Variants in LRP1B observed in about 807,000 individuals in gnomAD.
The protein encoded by LRP1B is LDL receptor related protein 1B, also known as low-density lipoprotein receptor-related protein 1B.
LRP1B carries 217 observed loss-of-function variants against 556.6 expected under a neutral mutation model. The observed-to-expected ratio is 0.39, with a 90% CI of 0.35 to 0.44. The LOEUF is 0.44. LRP1B is among the 20% of genes least tolerant of loss of function. The probability of loss-of-function intolerance (pLI) is 1.00; values close to 1 mark genes in which losing one functional copy is unlikely to be tolerated. For missense variants in LRP1B, 5,053 were observed against 5,620.8 expected, an observed-to-expected ratio of 0.90 and a Z score of 3.23; for synonymous variants, 2,047 against 1,865.8, an observed-to-expected ratio of 1.10 and a Z score of -2.50.
intron 41 of LRP1B, among the ~76,000 whole-genome samples, chr2:140,606,541 C>T (rs1412885694): frequency 6.6e-6 from 1 of 151,680 alleles, no homozygotes; most frequent in African/African-American, 2.4e-5. Flanking sequence ...TACAAGGGAC[C>T]CAGAAAAGCC....
intron 18 of LRP1B, among the ~76,000 whole-genome samples, chr2:140,967,973 G>A (rs1450294947): frequency 8.7e-6 from 1 of 114,894 alleles, no homozygotes; most frequent in African/African-American, 3.2e-5. Flanking sequence ...TTGCATCAAT[G>A]TTCATCAAGG....
At chr2:140,516,023 C>G (rs752258168) in intron 50 of LRP1B, among the ~76,000 whole-genome samples, 1 of 151,714 alleles carries the variant, frequency 6.6e-6, no homozygotes, top group African/African-American at 2.4e-5. Context: ...AGAAACAAAA[C>G]GTAAAAATGC....
intron 35 of LRP1B, among the ~76,000 whole-genome samples, chr2:140,758,007 A>G (rs949950645): frequency 6.6e-6 from 1 of 152,218 alleles, no homozygotes; most frequent in Non-Finnish European, 1.5e-5. Flanking sequence ...TATATTAATG[A>G]TGGCTGCACA....
At chr2:140,965,949 C>T (rs1270856735) in intron 18 of LRP1B, among the ~76,000 whole-genome samples, 1 of 152,082 alleles carries the variant, frequency 6.6e-6, no homozygotes, top group Non-Finnish European at 1.5e-5. Flanking sequence ...TTAATCCAGT[C>T]TATCACTGAT....
At chr2:141,599,391 C>A (rs1317225430) in intron 2 of LRP1B, among the ~76,000 whole-genome samples, 1 of 151,870 alleles carries the variant, frequency 6.6e-6, no homozygotes, top group African/African-American at 2.4e-5. Context: ...ATCTTGATAA[C>A]GCAGATTTTA....
chr2:140,688,484 T>A (rs1686127320), intron 41 of LRP1B, among the ~76,000 whole-genome samples: 1 of 152,124 alleles, frequency 6.6e-6, no homozygotes, highest in Non-Finnish European at 1.5e-5. Flanking sequence ...GAAAATGAGT[T>A]TTACAAAGTG....
At chr2:140,764,365 C>T (rs1220489714) in intron 35 of LRP1B, among the ~76,000 whole-genome samples, 1 of 152,020 alleles carries the variant, frequency 6.6e-6, no homozygotes, top group Non-Finnish European at 1.5e-5. Flanking sequence ...TACAAATGCA[C>T]GACGGCACAG....
At chr2:141,464,606 A>ATATATTTTTTTTTT in intron 3 of LRP1B, among the ~76,000 whole-genome samples, 15 of 90,494 alleles carry the variant, frequency 1.7e-4, no homozygotes, top group Middle Eastern at 5.5e-3. Context: ...ATATATATAT[A>ATATATTTTTTTTTT]TTTTTTTAGT....
At chr2:140,373,325 GAA>G (rs1558837122) in intron 68 of LRP1B, among the ~76,000 whole-genome samples, 188 bp from the exon 69 acceptor site, 2 of 152,002 alleles carry the variant, frequency 1.3e-5, no homozygotes, top group African/African-American at 4.8e-5. Flanking sequence ...TTTACAAACC[GAA>G]AGACTAGACA....
chr2:141,644,951 A>G (rs1689497469), intron 2 of LRP1B, among the ~76,000 whole-genome samples: 2 of 152,164 alleles, frequency 1.3e-5, no homozygotes, highest in Non-Finnish European at 2.9e-5. Context: ...AAGGAAAGAA[A>G]ACTAATTTTA....
intron 2 of LRP1B, among the ~76,000 whole-genome samples, chr2:141,584,480 T>G (rs915261868): frequency 2.0e-5 from 3 of 152,228 alleles, no homozygotes; most frequent in Non-Finnish European, 4.4e-5. Flanking sequence ...TATTCCTATT[T>G]TAGCCACAAG....
intron 56 of LRP1B, 84 bp from the exon 57 acceptor site, chr2:140,492,777 A>G (rs1404133934): frequency 2.1e-6 from 2 of 965,476 alleles, no homozygotes; most frequent in East Asian, 2.4e-5. Flanking sequence ...TTTAGCAGCA[A>G]TGTGATTTCA....
intron 43 of LRP1B, among the ~76,000 whole-genome samples, chr2:140,560,225 A>T (rs1426213118): frequency 6.6e-6 from 1 of 152,194 alleles, no homozygotes; most frequent in Non-Finnish European, 1.5e-5. Flanking sequence ...AAAGCAAGAG[A>T]AAGCAAGACT....
intron 83 of LRP1B, among the ~76,000 whole-genome samples, chr2:140,298,577 T>A (rs1484257473): frequency 6.6e-6 from 1 of 152,202 alleles, no homozygotes; most frequent in Non-Finnish European, 1.5e-5. Context: ...ATATTGTTAT[T>A]CACAAGAGTG....
chr2:141,682,906 G>A lies in LRP1B; in HGVS notation c.205+127373C>T, dbSNP rs79772242. ...TTACCATGCTCCTCTGTTATATTTT[G>A]CAAATAGATTCAGTGTTTGGTGCAT... On this transcript the variant is annotated intron_variant, in intron 2 of 90. Coordinates refer to ENST00000389484, the MANE Select transcript of LRP1B (RefSeq NM_018557.3). Among the ~76,000 whole-genome samples, 320 of 152,172 alleles carry A rather than the reference G, an allele frequency of 2.1e-3. 3 individuals carry two copies. Among genetic ancestry groups the A allele is most frequent in the Admixed American group, 0.017 (261 of 15,280 alleles).
chr2:141,766,468 G>C (rs1020895004), intron 2 of LRP1B, among the ~76,000 whole-genome samples: 1 of 152,162 alleles, frequency 6.6e-6, no homozygotes, highest in Non-Finnish European at 1.5e-5. Context: ...ATTTGAAGTG[G>C]TTAGCTTAGA....
intron 7 of LRP1B, among the ~76,000 whole-genome samples, chr2:141,077,109 G>A (rs570671260): frequency 3.3e-5 from 5 of 152,188 alleles, no homozygotes; most frequent in South Asian, 4.2e-4. Flanking sequence ...TTAGCCAGGC[G>A]TGGCAGCGTG....
At chr2:141,055,395 C>A in intron 9 of LRP1B, 136 bp from the exon 10 acceptor site, 2 of 756,540 alleles carry the variant, frequency 2.6e-6, no homozygotes, top group Non-Finnish European at 4.1e-6. Flanking sequence ...CTATTTAGCA[C>A]CATAATCGAA....
chr2:140,654,854 A>T (rs2105327967), intron 41 of LRP1B, among the ~76,000 whole-genome samples: 1 of 152,278 alleles, frequency 6.6e-6, no homozygotes, highest in African/African-American at 2.4e-5. Flanking sequence ...TTGTTCACTC[A>T]ACTCTATGCT....
Sources: allele counts gnomAD v4.1 joint callset (sites outside exome capture counted in the v4.1 genomes callset), GRCh38; gene constraint gnomAD v4.1.1; transcripts MANE v1.5; gene names NCBI Gene and HGNC (gene_info 2026-07-23, HGNC 2026-07-21).